SETD7: variants seen among roughly 807,000 people sequenced by gnomAD.
SETD7 encodes histone-lysine N-methyltransferase SETD7.
In SETD7, 16 loss-of-function variants were observed where a neutral mutation model predicts 41.8. That is an observed-to-expected ratio of 0.38 (90% CI 0.26 to 0.58). The LOEUF is 0.58. SETD7 is among the 20% of genes least tolerant of loss of function. SETD7 has a pLI of 0.64. For synonymous variants in SETD7, 163 were observed against 169.7 expected (o/e 0.96, Z 0.31); for missense variants, 346 against 459.7 (o/e 0.75, Z 2.26).
In SETD7 at chr4:139,555,463, C is replaced by T. The variant is rs1469996689; in HGVS notation, c.40+635G>A. Among the ~76,000 whole-genome samples the T allele has an allele frequency of 6.6e-6, 1 of 152,088 alleles. No individual in the cohort carries two copies. The highest frequency in any genetic ancestry group is 1.5e-5 in the Non-Finnish European group (1 of 68,014). ...CGGGGGCAGCTGAGGGGAGGGCTGC[C>T]CGCCTCCCGGACGGCGCACGTTCGA... is the stretch of plus-strand genomic sequence containing the variant. On this transcript the variant is annotated intron_variant, in intron 1 of 7. Coordinates refer to ENST00000274031, the MANE Select transcript of SETD7 (RefSeq NM_030648.4). The surrounding 1 kb of genome is among the most constrained non-coding windows in gnomAD (Gnocchi z 4.0).
chr4:139,508,954 A>T lies in SETD7; in HGVS notation c.*2709T>A. The stretch of plus-strand genomic sequence containing the variant: ...CGATTCCAACCTGCCACAGAGCCTT[A>T]CATTTGGGAGTATGTGTGTGTGTGA... On this transcript the variant is annotated 3_prime_UTR_variant, in exon 8 of 8. Transcript: ENST00000274031. The T allele has an allele frequency of 6.6e-6, 1 of 152,188 alleles. No homozygotes were observed. The highest frequency in any genetic ancestry group is 1.9e-4 in the East Asian group (1 of 5,198). The allele number at this position is 152,188 out of a possible 1,614,324, so 9.4% of individuals were successfully genotyped here.
At chr4:139,514,658 G>C (rs1726974995) in intron 7 of SETD7, among the ~76,000 whole-genome samples, 1 of 152,214 alleles carries the variant, frequency 6.6e-6, no homozygotes, top group South Asian at 2.1e-4. Context: ...ATGAGACAAT[G>C]CATGAAGAGC....
chr4:139,547,074 A>C (rs1311506944), intron 1 of SETD7, 25 bp from the exon 2 acceptor site: 1 of 1,613,060 alleles, frequency 6.2e-7, no homozygotes. Context: ...CCACAAGGCA[A>C]ACCTTAACAT....
At chr4:139,545,946 T>C (rs1429795492) in intron 2 of SETD7, among the ~76,000 whole-genome samples, 1 of 152,198 alleles carries the variant, frequency 6.6e-6, no homozygotes, top group African/African-American at 2.4e-5. Flanking sequence ...CACTAAATGC[T>C]TGAGAAATTC....
chr4:139,519,229 T>C (rs528049475), intron 6 of SETD7, among the ~76,000 whole-genome samples: 2 of 152,314 alleles, frequency 1.3e-5, no homozygotes, highest in Non-Finnish European at 2.9e-5. Context: ...TAAATTTCAT[T>C]AGGGCAAGAA....
chr4:139,549,898 C>T (rs771263886), intron 1 of SETD7, among the ~76,000 whole-genome samples: 66 of 152,274 alleles, frequency 4.3e-4, no homozygotes, highest in Admixed American at 1.4e-3. Context: ...CTGCCTCAGC[C>T]TCCCTAGTAG....
chr4:139,504,216 C>T (rs1726649817), downstream of SETD7, among the ~76,000 whole-genome samples: 2 of 152,184 alleles, frequency 1.3e-5, no homozygotes, highest in Non-Finnish European at 2.9e-5. Flanking sequence ...AATTTGGTAG[C>T]AATCTAGATG....
At chr4:139,538,174 G>A (rs1727689878) in intron 2 of SETD7, among the ~76,000 whole-genome samples, 1 of 152,056 alleles carries the variant, frequency 6.6e-6, no homozygotes, top group African/African-American at 2.4e-5. Flanking sequence ...TAATTTATGA[G>A]TGATCCAATT....
At chr4:139,551,355 ATC>A (rs1728105635) in intron 1 of SETD7, among the ~76,000 whole-genome samples, 1 of 152,240 alleles carries the variant, frequency 6.6e-6, no homozygotes, top group South Asian at 2.1e-4. Context: ...TGTTCTGTGT[ATC>A]TGTCTGTAGC....
intron 2 of SETD7, among the ~76,000 whole-genome samples, chr4:139,538,123 T>C (rs1234838651): frequency 6.6e-6 from 1 of 152,110 alleles, no homozygotes; most frequent in Non-Finnish European, 1.5e-5. Context: ...CTGCATTAAA[T>C]CTATTTTTAA....
At chr4:139,538,317 A>G (rs969959351) in intron 2 of SETD7, among the ~76,000 whole-genome samples, 5 of 152,186 alleles carry the variant, frequency 3.3e-5, no homozygotes, top group Non-Finnish European at 5.9e-5. Flanking sequence ...AATTTCACAT[A>G]CAGTATTTAA....
At position 139,555,413 on chromosome 4, in the gene SETD7, A is replaced by AG. The variant is rs1221328922; in HGVS notation, c.40+684dup. 6.6e-6 allele frequency among the ~76,000 whole-genome samples: 1 copy of AG among 150,932 alleles called. No individual in the cohort carries two copies. The highest frequency in any genetic ancestry group is 1.5e-5 in the Non-Finnish European group (1 of 67,730). On this transcript the variant is annotated intron_variant, in intron 1 of 7. Coordinates refer to ENST00000274031, the MANE Select transcript of SETD7 (RefSeq NM_030648.4). The surrounding 1 kb of genome is among the most constrained non-coding windows in gnomAD (Gnocchi z 4.0). The stretch of plus-strand genomic sequence containing the variant: ...GCATCCCAGCCAAGCAGGAAGGGGG[A>AG]GGGGGAGGCCTGACTGAGTTCGCTC...
chr4:139,502,414 C>T (rs1672627952), downstream of SETD7, among the ~76,000 whole-genome samples: 1 of 152,162 alleles, frequency 6.6e-6, no homozygotes, highest in Non-Finnish European at 1.5e-5. Flanking sequence ...AGTCCTCATG[C>T]AGCAAAGACT....
rs566144929 is a variant in SETD7, at chr4:139,535,921, G to A, written c.171-2555C>T. Among the ~76,000 whole-genome samples the A allele has an allele frequency of 7.2e-5, 11 of 152,202 alleles. No individual in the cohort carries two copies. The East Asian group carries it at 1.3e-3, about 19-fold the overall frequency. ...CTGTCATTGAGGAAATAAAATATAC[G>A]TTTCTTAGACTGGCATTCAAGGCAC... On this transcript the variant is annotated intron_variant, in intron 2 of 7. Transcript: ENST00000274031.
intron 6 of SETD7, among the ~76,000 whole-genome samples, chr4:139,520,073 C>G (rs575477898): frequency 6.6e-6 from 1 of 152,066 alleles, no homozygotes; most frequent in Non-Finnish European, 1.5e-5. Context: ...ATGGCATTAC[C>G]CCACTCTCTA....
At chr4:139,500,075 G>A (rs1364546622) in intron 7 of SETD7, among the ~76,000 whole-genome samples, 1 of 152,130 alleles carries the variant, frequency 6.6e-6, no homozygotes, top group Non-Finnish European at 1.5e-5. Flanking sequence ...TTAAATAAAT[G>A]TATGTGCTTT....
At position 139,536,849 on chromosome 4, in the gene SETD7, A is replaced by G. The variant is rs146533432; in HGVS notation, c.171-3483T>C. Among the ~76,000 whole-genome samples the G allele has an allele frequency of 2.7e-3, 418 of 152,274 alleles. 2 individuals carry two copies. Among genetic ancestry groups the G allele is most frequent in the African/African-American group, 9.5e-3 (395 of 41,558 alleles). On this transcript the variant is annotated intron_variant, in intron 2 of 7. Coordinates refer to ENST00000274031, the MANE Select transcript of SETD7 (RefSeq NM_030648.4). ...GAAACCCTGTCTCCACTAAAAATACAAAAATTAGCCGGACATGGTGGCAGG... is the reference window on the plus strand; with the variant it reads ...GAAACCCTGTCTCCACTAAAAATACGAAAATTAGCCGGACATGGTGGCAGG...
At chr4:139,544,600 G>A (rs964573572) in intron 2 of SETD7, among the ~76,000 whole-genome samples, 1 of 152,150 alleles carries the variant, frequency 6.6e-6, no homozygotes, top group Admixed American at 6.6e-5. Context: ...CTAGGGCTGA[G>A]GGGATCAGCA....
intron 7 of SETD7, among the ~76,000 whole-genome samples, chr4:139,516,818 T>A (rs1423093171): frequency 6.6e-6 from 1 of 152,166 alleles, no homozygotes; most frequent in Non-Finnish European, 1.5e-5. Context: ...TCGGCAACCA[T>A]CACCATCATC....
Sources: gnomAD v4.1 joint callset for allele counts (sites outside exome capture counted in the v4.1 genomes callset) on GRCh38, gnomAD v4.1.1 for gene constraint, Gnocchi (gnomAD v3.1) non-coding constraint, MANE v1.5 for transcripts, NCBI Gene and HGNC (gene_info 2026-07-23, HGNC 2026-07-21) for gene names.